Variants in CCDC39 observed in about 807,000 individuals in gnomAD.
CCDC39 encodes coiled-coil domain-containing protein 39.
A neutral mutation model predicts 121.0 loss-of-function variants in CCDC39; 113 were observed. The ratio of observed to expected loss-of-function variants is 0.93; its 90% CI spans 0.80 to 1.09. The LOEUF (loss-of-function observed/expected upper bound fraction) is 1.09. CCDC39 is among the 50% of genes least tolerant of loss of function. The probability of loss-of-function intolerance (pLI) is 0.00; values close to 1 mark genes in which losing one functional copy is unlikely to be tolerated. For synonymous variants in CCDC39, 349 were observed against 352.2 expected (o/e 0.99, Z 0.10); for missense variants, 1,063 against 1,074.7 (o/e 0.99, Z 0.15).
rs186431163 is a variant in CCDC39 at position 180,628,443 on chromosome 3, G to A, written c.1998+3026C>T. 1.1e-4 allele frequency among the ~76,000 whole-genome samples: 17 copies of A among 152,176 alleles called. No individual in the cohort carries two copies. In the East Asian group the frequency reaches 2.3e-3, roughly 21 times the overall value. The stretch of plus-strand genomic sequence containing the variant: ...AGGATGGTCTCGATCTCCTGACCTC[G>A]TGATCCACCCACCTCGGCCTCCCAA... On this transcript the variant is annotated intron_variant, in intron 14 of 19. Transcript: ENST00000476379.
intron 14 of CCDC39, among the ~76,000 whole-genome samples, chr3:180,623,260 T>C (rs1717475895): frequency 6.6e-6 from 1 of 151,784 alleles, no homozygotes; most frequent in African/African-American, 2.4e-5. Context: ...ATTTATAAGT[T>C]AGTATAGTCC....
At chr3:180,642,625 G>A (rs924096305) in intron 12 of CCDC39, among the ~76,000 whole-genome samples, 3 of 151,872 alleles carry the variant, frequency 2.0e-5, no homozygotes, top group Non-Finnish European at 4.4e-5. Context: ...TCAATTTTCA[G>A]AATAGAAACC....
At chr3:180,676,780 G>C (rs1266867803) in intron 1 of CCDC39, among the ~76,000 whole-genome samples, 10 of 152,060 alleles carry the variant, frequency 6.6e-5, no homozygotes, top group African/African-American at 2.4e-4. Context: ...AGAAAATGTG[G>C]CACATATACA....
intron 4 of CCDC39, 75 bp downstream of exon 4, chr3:180,660,495 T>G (rs1473857344): frequency 1.5e-6 from 2 of 1,295,504 alleles, no homozygotes; most frequent in African/African-American, 3.0e-5. Context: ...AAATCCTAAG[T>G]ATAACTTTAG....
chr3:180,628,833 T>A (rs909340913), intron 14 of CCDC39, among the ~76,000 whole-genome samples: 1 of 152,178 alleles, frequency 6.6e-6, no homozygotes, highest in Admixed American at 6.5e-5. Context: ...TGGTTAGCAT[T>A]GTAATCAAAT....
At chr3:180,647,035 T>C (rs1252087407) in intron 11 of CCDC39, 44 bp downstream of exon 11, 1 of 1,568,714 alleles carries the variant, frequency 6.4e-7, no homozygotes. Flanking sequence ...TAAAACAGAA[T>C]GACTAGGATA....
Position 180,660,681 on chromosome 3 carries a change from T to C in CCDC39, c.405A>G (p.Gln135=), listed in dbSNP as rs907348372. 3.7e-6 allele frequency: 6 copies of C among 1,602,970 alleles called. No homozygotes were observed. Among genetic ancestry groups the C allele is most frequent in the Middle Eastern group, 1.7e-4 (1 of 6,046 alleles). Residue 135 remains glutamine (Q), a synonymous_variant, in exon 4 of 20, where the codon CAA becomes CAG. Transcript: ENST00000476379. ...ATQKLDGLKC[Q]MNWDQQALEA... Reference sequence around the variant, plus strand: ...CCAATGCTTGCTGGTCCCAGTTCATTTGACATTTCAAACCATCCAATTTTT... The same window carrying C: ...CCAATGCTTGCTGGTCCCAGTTCATCTGACATTTCAAACCATCCAATTTTT...
chr3:180,679,190 A>G lies in CCDC39; in HGVS notation c.90+101T>C. ...GGAGTGTTAGAGGAAGCACAGGATT[A>G]GGAAAGGAGAGAAATAAAAGGGCTG... On this transcript the variant is annotated intron_variant, in intron 1 of 19. Coordinates refer to ENST00000476379, the MANE Select transcript of CCDC39 (RefSeq NM_181426.2). This position sits in a 1 kb window ranked among gnomAD's most constrained non-coding sequence, Gnocchi z 4.0. 1.2e-6 allele frequency: 1 copy of G among 867,076 alleles called. No homozygotes were observed. The highest frequency in any genetic ancestry group is 2.0e-6 in the Non-Finnish European group (1 of 499,856). The allele number at this position is 867,076 out of a possible 1,614,324, so 53.7% of individuals were successfully genotyped here.
intron 13 of CCDC39, among the ~76,000 whole-genome samples, chr3:180,641,774 T>TA (rs1450861698): frequency 3.3e-5 from 5 of 152,132 alleles, no homozygotes; most frequent in African/African-American, 1.2e-4. Flanking sequence ...CCAAGTAGAT[T>TA]AGTGATCTTA....
intron 6 of CCDC39, among the ~76,000 whole-genome samples, chr3:180,658,476 T>C (rs1711643856): frequency 6.6e-6 from 1 of 150,802 alleles, no homozygotes. Flanking sequence ...CGGGCACCTG[T>C]AGTCCCAGCT....
At chr3:180,617,725 TA>T (rs1363174921) in intron 16 of CCDC39, 9 of 381,482 alleles carry the variant, frequency 2.4e-5, no homozygotes, top group Admixed American at 4.5e-5. Flanking sequence ...CACAAAAGAG[TA>T]AAAAAATTTT....
chr3:180,624,286 C>T (rs1292027200), intron 14 of CCDC39, among the ~76,000 whole-genome samples: 1 of 152,012 alleles, frequency 6.6e-6, no homozygotes, highest in Non-Finnish European at 1.5e-5. Flanking sequence ...CACCCCTTTA[C>T]TTTCAGTATA....
Position 180,679,258 on chromosome 3 carries a change from C to T in CCDC39, c.90+33G>A. On this transcript the variant is annotated intron_variant, in intron 1 of 19. Transcript: ENST00000476379. This position sits in a 1 kb window ranked among gnomAD's most constrained non-coding sequence, Gnocchi z 4.0. ...AGAAAACGCCCCCAACAGGCTCTCT[C>T]TGCTTCCTCCCGCCTGCTTCAATTG... The T allele has an allele frequency of 6.3e-7, 1 of 1,583,444 alleles. No homozygotes were observed. Among genetic ancestry groups the T allele is most frequent in the Non-Finnish European group, 8.7e-7 (1 of 1,152,000 alleles).
chr3:180,629,950 C>T (rs1717656612), intron 14 of CCDC39, among the ~76,000 whole-genome samples: 1 of 152,136 alleles, frequency 6.6e-6, no homozygotes, highest in Admixed American at 6.5e-5. Context: ...TAATAACTAA[C>T]ATTTATTGAG....
chr3:180,671,389 G>C (rs11924689), intron 1 of CCDC39, among the ~76,000 whole-genome samples: 3,037 of 152,144 alleles, frequency 0.02, 91 homozygotes, highest in African/African-American at 0.07. Flanking sequence ...CTGGGCACCT[G>C]TTTTCAAGTA....
intron 14 of CCDC39, among the ~76,000 whole-genome samples, chr3:180,629,899 G>C (rs1307679115): frequency 6.6e-6 from 1 of 152,136 alleles, no homozygotes; most frequent in African/African-American, 2.4e-5. Flanking sequence ...ACTTGTCTGT[G>C]TTCCTGTGAG....
At chr3:180,615,811 AGG>A (rs1456337176) in intron 19 of CCDC39, among the ~76,000 whole-genome samples, 1 of 152,136 alleles carries the variant, frequency 6.6e-6, no homozygotes, top group Non-Finnish European at 1.5e-5. Context: ...AGAAAAAAAA[AGG>A]GGTTTCCTTT....
chr3:180,629,149 T>TTAA (rs1717635172), intron 14 of CCDC39, among the ~76,000 whole-genome samples: 1 of 152,340 alleles, frequency 6.6e-6, no homozygotes, highest in South Asian at 2.1e-4. Flanking sequence ...ACTCAACTTG[T>TTAA]TAATGAAGAG....
intron 14 of CCDC39, among the ~76,000 whole-genome samples, chr3:180,624,149 G>A (rs911795166): frequency 1.3e-5 from 2 of 152,058 alleles, no homozygotes; most frequent in African/African-American, 4.8e-5. Flanking sequence ...TCTTGCAGAA[G>A]TAATCCCTTT....
Sources: allele counts gnomAD v4.1 joint callset (sites outside exome capture counted in the v4.1 genomes callset), GRCh38; gene constraint gnomAD v4.1.1; non-coding constraint Gnocchi (gnomAD v3.1); transcripts MANE v1.5; gene names NCBI Gene and HGNC (gene_info 2026-07-23, HGNC 2026-07-21).